Variants in CDC42BPA observed in about 807,000 individuals in gnomAD.
CDC42BPA encodes the protein serine/threonine-protein kinase MRCK alpha.
CDC42BPA carries 80 observed loss-of-function variants against 223.5 expected under a neutral mutation model. That is an observed-to-expected ratio of 0.36 (90% confidence interval 0.30 to 0.43). The LOEUF (loss-of-function observed/expected upper bound fraction) is 0.43, where lower values mean the gene tolerates loss of function less well. CDC42BPA is among the 20% of genes least tolerant of loss of function. CDC42BPA has a pLI of 1.00. For synonymous variants in CDC42BPA, 694 were observed against 718.6 expected (o/e 0.97, Z 0.55); for missense variants, 1,743 against 2,099.9 (o/e 0.83, Z 3.32).
chr1:227,197,705 A>G (rs1670980118), intron 4 of CDC42BPA, among the ~76,000 whole-genome samples: 1 of 152,108 alleles, frequency 6.6e-6, no homozygotes, highest in African/African-American at 2.4e-5. Flanking sequence ...AGCAATGCAC[A>G]AATCTGCAGT....
rs386417862 is a variant in CDC42BPA at position 227,261,124 on chromosome 1, C to CTTTCTTTTTTTTTCTTTTTT, written c.179-6970_179-6969insAAAAAAGAAAAAAAAAGAAA. Among the ~76,000 whole-genome samples the CTTTCTTTTTTTTTCTTTTTT allele has an allele frequency of 1.1e-4, 13 of 121,024 alleles. 1 individual carries two copies. Among genetic ancestry groups the CTTTCTTTTTTTTTCTTTTTT allele is most frequent in the South Asian group, 5.6e-4 (2 of 3,602 alleles). 79.4% of individuals were successfully genotyped at this position (121,024 alleles called of 152,430 possible). A position where few individuals can be genotyped will look rare whatever the true frequency, so the allele number is the denominator to read the frequency against. Reference sequence around the variant, plus strand: ...TTTTTAACAGAATAATTGAGTTTTTCTTTTTTTTTGAGACAGAGTCTCGCT... The same window carrying CTTTCTTTTTTTTTCTTTTTT: ...TTTTTAACAGAATAATTGAGTTTTTCTTTCTTTTTTTTTCTTTTTTTTTTTTTTTGAGACAGAGTCTCGCT... On this transcript the variant is annotated intron_variant, in intron 1 of 36. Transcript: ENST00000366766.
chr1:227,135,052 G>T (rs1558579086), intron 10 of CDC42BPA, among the ~76,000 whole-genome samples: 1 of 152,198 alleles, frequency 6.6e-6, no homozygotes, highest in Middle Eastern at 3.2e-3. Context: ...GCATTCTGAG[G>T]TGAAGAGGCT....
intron 21 of CDC42BPA, among the ~76,000 whole-genome samples, chr1:227,065,311 A>C (rs1005139475): frequency 1.2e-4 from 18 of 152,108 alleles, no homozygotes; most frequent in Non-Finnish European, 2.5e-4. Flanking sequence ...AATACTTTCT[A>C]AGGTTTTCTC....
intron 21 of CDC42BPA, among the ~76,000 whole-genome samples, chr1:227,065,591 T>C (rs1255220809): frequency 1.3e-5 from 2 of 152,226 alleles, no homozygotes; most frequent in African/African-American, 2.4e-5. Flanking sequence ...CAGCATTCAT[T>C]TGAATTTTGA....
chr1:227,041,760 T>C (rs550639267), intron 23 of CDC42BPA, among the ~76,000 whole-genome samples: 10 of 152,310 alleles, frequency 6.6e-5, no homozygotes, highest in African/African-American at 2.2e-4. Flanking sequence ...CCTCACGATC[T>C]TTTGGTCAGT....
At chr1:227,307,341 A>C (rs1692734295) in intron 1 of CDC42BPA, among the ~76,000 whole-genome samples, 1 of 152,192 alleles carries the variant, frequency 6.6e-6, no homozygotes, top group Admixed American at 6.5e-5. Flanking sequence ...ATTGATATAA[A>C]TTGTGACAAT....
intron 11 of CDC42BPA, among the ~76,000 whole-genome samples, chr1:227,125,220 C>T (rs780664678): frequency 6.6e-6 from 1 of 151,294 alleles, no homozygotes; most frequent in African/African-American, 2.4e-5. Flanking sequence ...AAAAACTGGC[C>T]CCATGTCACC....
chr1:227,093,224 A>G (rs1683406684), intron 15 of CDC42BPA, among the ~76,000 whole-genome samples: 1 of 152,206 alleles, frequency 6.6e-6, no homozygotes, highest in African/African-American at 2.4e-5. Context: ...TCTGATGTTT[A>G]TGACTAGTCT....
chr1:227,285,044 A>G (rs781779502), intron 1 of CDC42BPA, among the ~76,000 whole-genome samples: 3 of 152,066 alleles, frequency 2.0e-5, no homozygotes, highest in Non-Finnish European at 4.4e-5. Context: ...ACATGGTCCA[A>G]CGTTCTCCAG....
intron 10 of CDC42BPA, among the ~76,000 whole-genome samples, chr1:227,131,223 A>G (rs76599385): frequency 3.3e-5 from 5 of 152,094 alleles, no homozygotes; most frequent in Admixed American, 2.6e-4. Flanking sequence ...TTTTTACCCG[A>G]CATCTATTCA....
intron 12 of CDC42BPA, among the ~76,000 whole-genome samples, chr1:227,116,729 T>G (rs1170584364): frequency 6.6e-6 from 1 of 152,200 alleles, no homozygotes; most frequent in African/African-American, 2.4e-5. Context: ...GAACAAATTT[T>G]ACCGAAACCT....
At chr1:227,083,874 A>C (rs1395578017) in intron 16 of CDC42BPA, among the ~76,000 whole-genome samples, 1 of 152,202 alleles carries the variant, frequency 6.6e-6, no homozygotes, top group East Asian at 1.9e-4. Flanking sequence ...AGATCCTGCA[A>C]CTTGATAGGC....
chr1:226,992,631 T>G lies in CDC42BPA; in HGVS notation c.*1637A>C, dbSNP rs1272702124. On this transcript the variant is annotated 3_prime_UTR_variant, in exon 37 of 37. Coordinates refer to ENST00000366766, the MANE Select transcript of CDC42BPA (RefSeq NM_001394014.1). ...CTCAGGTTAGCAACTGCAGGAAAAC[T>G]TTCTTCATTTTCACTGAATTTTAAA... 1 of 152,266 alleles carries G rather than the reference T, an allele frequency of 6.6e-6. No homozygotes were observed. Among genetic ancestry groups the G allele is most frequent in the Non-Finnish European group, 1.5e-5 (1 of 68,050 alleles). 9.4% of individuals were successfully genotyped at this position (152,266 alleles called of 1,614,324 possible).
chr1:227,317,045 T>A lies in CDC42BPA; in HGVS notation c.138A>T (p.Pro46=). ...ICLYDECNNS[P]LRREKNILEY... The stretch of plus-strand genomic sequence containing the variant: ...CGAGAATGTTCTTCTCTCTTCTCAA[T>A]GGAGAATTATTGCATTCATCATAAA... Residue 46 remains proline, a synonymous_variant, in exon 1 of 37, where the codon CCA becomes CCT. Coordinates refer to ENST00000366766, the MANE Select transcript of CDC42BPA (RefSeq NM_001394014.1). 3 of 1,613,928 alleles carry A rather than the reference T, an allele frequency of 1.9e-6. No individual in the cohort carries two copies. Among genetic ancestry groups the A allele is most frequent in the Non-Finnish European group, 1.7e-6 (2 of 1,179,834 alleles).
At chr1:227,182,894 GC>G (rs1182293880) in intron 5 of CDC42BPA, 2 of 152,194 alleles carry the variant, frequency 1.3e-5, no homozygotes, top group African/African-American at 4.8e-5. Flanking sequence ...CGCTTTCCCT[GC>G]CCTGGGACAT....
chr1:227,145,601 C>A lies in CDC42BPA; in HGVS notation c.1031G>T (p.Ser344Ile). 1 of 1,613,802 alleles carries A rather than the reference C, an allele frequency of 6.2e-7. No individual in the cohort carries two copies. Among genetic ancestry groups the A allele is most frequent in the African/African-American group, 1.3e-5 (1 of 75,018 alleles). ...IEDFKKHPFF[S>I]GIDWDNIRNC... is the part of the protein sequence containing the mutation. ...CCGAATATTATCCCAATCAATTCCA[C>A]TGAAAAATGGGTGTTTCTTAAAGTC... Residue 344 changes from serine to isoleucine, a missense_variant, in exon 8 of 37, where the codon AGT becomes ATT. Physicochemically the swap from Ser to Ile is moderately radical, Grantham distance 142. This residue lies in a region of CDC42BPA where 321 missense variants were observed against 488.7 expected (regional missense o/e 0.66). Coordinates refer to ENST00000366766, the MANE Select transcript of CDC42BPA (RefSeq NM_001394014.1).
intron 2 of CDC42BPA, among the ~76,000 whole-genome samples, chr1:227,213,601 T>TA (rs1674320396): frequency 6.6e-6 from 1 of 152,144 alleles, no homozygotes; most frequent in Non-Finnish European, 1.5e-5. Flanking sequence ...TAGAGCTTAT[T>TA]AAATAATGCA....
At chr1:227,123,989 G>A (rs2813972) in intron 11 of CDC42BPA, among the ~76,000 whole-genome samples, 43,094 of 151,732 alleles carry the variant, frequency 0.28, 6,324 homozygotes, top group African/African-American at 0.35. Flanking sequence ...TCATTTAGGA[G>A]ACAAAAAAAT....
chr1:227,179,884 A>G (rs763893294), intron 5 of CDC42BPA, among the ~76,000 whole-genome samples: 9 of 152,052 alleles, frequency 5.9e-5, no homozygotes, highest in Non-Finnish European at 1.2e-4. Flanking sequence ...GCTAATAAAG[A>G]AAAGTTCACC....
Sources: gnomAD v4.1 joint callset for allele counts (sites outside exome capture counted in the v4.1 genomes callset) on GRCh38, gnomAD v4.1.1 for gene constraint, gnomAD v4.1.1 regional missense constraint, MANE v1.5 for transcripts, NCBI Gene and HGNC (gene_info 2026-07-23, HGNC 2026-07-21) for gene names.